CCDC178: variants seen among roughly 807,000 people sequenced by gnomAD.
CCDC178 encodes coiled-coil domain containing 178.
Under a neutral mutation model 117.4 loss-of-function variants are expected in CCDC178, and 126 were observed. The observed-to-expected ratio is 1.07, with a 90% CI of 0.93 to 1.24. The LOEUF (loss-of-function observed/expected upper bound fraction) is 1.24, where lower values mean the gene tolerates loss of function less well. CCDC178 is among the 50% of genes most tolerant of loss of function. The probability of loss-of-function intolerance (pLI) is 0.00; values close to 1 mark genes in which losing one functional copy is unlikely to be tolerated. For missense variants in CCDC178, 1,030 were observed against 986.9 expected, an observed-to-expected ratio of 1.04 and a Z score of -0.59; for synonymous variants, 283 against 313.4, an observed-to-expected ratio of 0.90 and a Z score of 1.02.
At chr18:32,964,852 A>G (rs2054778530) in intron 22 of CCDC178, among the ~76,000 whole-genome samples, 1 of 151,996 alleles carries the variant, frequency 6.6e-6, no homozygotes, top group South Asian at 2.1e-4. Flanking sequence ...CACAAGCATT[A>G]ATGCAAAAAA....
chr18:33,325,045 T>C (rs1473815112), intron 10 of CCDC178, among the ~76,000 whole-genome samples: 2 of 151,700 alleles, frequency 1.3e-5, no homozygotes, highest in Non-Finnish European at 3.0e-5. Flanking sequence ...ATGTATATCT[T>C]TTATTTCATT....
At chr18:33,054,441 G>A (rs532740579) in intron 21 of CCDC178, among the ~76,000 whole-genome samples, 117 of 152,158 alleles carry the variant, frequency 7.7e-4, no homozygotes, top group Non-Finnish European at 1.5e-3. Flanking sequence ...ACCCCAACAG[G>A]CTGCACTGTG....
chr18:33,392,719 G>A (rs1350272303), intron 4 of CCDC178, among the ~76,000 whole-genome samples: 2 of 151,924 alleles, frequency 1.3e-5, no homozygotes, highest in African/African-American at 2.4e-5. Flanking sequence ...TTGGAAAGCC[G>A]GGCATGGTGG....
rs200504518 is a variant in CCDC178, at chr18:33,414,005, A to AT, written c.-22-1896dup. 5.3e-4 allele frequency among the ~76,000 whole-genome samples: 81 copies of AT among 152,326 alleles called. 1 individual carries two copies. In the East Asian group the frequency reaches 0.014, roughly 26 times the overall value. On this transcript the variant is annotated intron_variant, in intron 2 of 22. Coordinates refer to ENST00000383096, the MANE Select transcript of CCDC178 (RefSeq NM_001105528.4). ...TGTGTTGACTCACAGGACACTCAAC[A>AT]TACAAAATGACTATGTAACCAAAAT...
chr18:33,125,706 A>C (rs961986824), intron 20 of CCDC178, among the ~76,000 whole-genome samples: 13 of 152,216 alleles, frequency 8.5e-5, no homozygotes, highest in African/African-American at 3.1e-4. Flanking sequence ...AAAGAGAGCA[A>C]CAGGAACCTG....
chr18:33,366,030 T>C (rs1423151443), intron 6 of CCDC178, among the ~76,000 whole-genome samples: 2 of 152,044 alleles, frequency 1.3e-5, no homozygotes, highest in African/African-American at 2.4e-5. Flanking sequence ...GGCAGATGCG[T>C]TGCTGCTAAC....
intron 20 of CCDC178, among the ~76,000 whole-genome samples, chr18:33,199,694 C>T (rs372159443): frequency 1.3e-5 from 2 of 152,240 alleles, no homozygotes; most frequent in East Asian, 3.9e-4. Context: ...ATCACCCAAC[C>T]AGGGCTGTGT....
In CCDC178 at chr18:33,333,327, T is replaced by C. The variant is rs2062696746; in HGVS notation, c.726A>G (p.Leu242=). 1 of 1,612,608 alleles carries C rather than the reference T, an allele frequency of 6.2e-7. No homozygotes were observed. Among genetic ancestry groups the C allele is most frequent in the Admixed American group, 1.7e-5 (1 of 59,992 alleles). Residue 242 remains leucine (L), a synonymous_variant, in exon 10 of 23, where the codon CTA becomes CTG. Transcript: ENST00000383096. The part of the protein sequence containing the change: ...QWHLEDKANQ[L]QHFEKQKTEL... ...CTGTCTTTTGTTTTTCAAAATGTTG[T>C]AGTTGATTAGCTTTATCTTCAAGAT...
At chr18:33,331,461 G>A (rs1358489093) in intron 10 of CCDC178, among the ~76,000 whole-genome samples, 1 of 151,932 alleles carries the variant, frequency 6.6e-6, no homozygotes, top group African/African-American at 2.4e-5. Flanking sequence ...GTTGCTGGAA[G>A]TTTAGTAAAT....
chr18:33,086,362 CTCTTA>C (rs1479493866), intron 21 of CCDC178, among the ~76,000 whole-genome samples: 1 of 150,400 alleles, frequency 6.6e-6, no homozygotes, highest in Admixed American at 6.7e-5. Flanking sequence ...GCCTCTTATT[CTCTTA>C]TGTTTTATAT....
intron 22 of CCDC178, among the ~76,000 whole-genome samples, chr18:32,969,570 C>G (rs2054882996): frequency 6.6e-6 from 1 of 152,052 alleles, no homozygotes; most frequent in Admixed American, 6.6e-5. Context: ...TTTGTCCTTC[C>G]AAAGCCTTTG....
chr18:33,064,225 G>C (rs529085818), intron 21 of CCDC178, among the ~76,000 whole-genome samples: 70 of 152,240 alleles, frequency 4.6e-4, no homozygotes, highest in African/African-American at 1.6e-3. Flanking sequence ...TGAAGTGCCT[G>C]GAAATGATTT....
At position 33,323,506 on chromosome 18, in the gene CCDC178, GT is replaced by G; in HGVS notation, c.1006del (p.Thr336ProfsTer2). On this transcript the variant is annotated frameshift_variant, in exon 11 of 23. Transcript: ENST00000383096. LOFTEE classifies it high-confidence loss of function. ...IDKDIYQDEK[T>X]IEAYKREIYQ... ...AAATTCTTACTTGTAGGCCTCTATGGTTTTTTCATCCTGGTAAATATCCTTA... is the reference window on the plus strand; with the variant it reads ...AAATTCTTACTTGTAGGCCTCTATGGTTTTTCATCCTGGTAAATATCCTTA... 1 of 1,521,284 alleles carries G rather than the reference GT, an allele frequency of 6.6e-7. No individual in the cohort carries two copies. The highest frequency in any genetic ancestry group is 8.8e-7 in the Non-Finnish European group (1 of 1,137,148). The allele number at this position is 1,521,284 out of a possible 1,614,324, so 94.2% of individuals were successfully genotyped here.
intron 11 of CCDC178, among the ~76,000 whole-genome samples, chr18:33,312,764 G>A (rs2062360207): frequency 6.6e-6 from 1 of 152,176 alleles, no homozygotes; most frequent in Admixed American, 6.5e-5. Flanking sequence ...AATGGCTGTC[G>A]CTACACAGGG....
At chr18:33,062,388 A>G (rs1211031733) in intron 21 of CCDC178, among the ~76,000 whole-genome samples, 2 of 152,196 alleles carry the variant, frequency 1.3e-5, no homozygotes, top group African/African-American at 4.8e-5. Flanking sequence ...TCCACAGATA[A>G]GGACCAAACA....
At chr18:33,086,479 G>C (rs887178937) in intron 21 of CCDC178, among the ~76,000 whole-genome samples, 4 of 150,820 alleles carry the variant, frequency 2.7e-5, no homozygotes, top group Admixed American at 2.6e-4. Flanking sequence ...GAGAGAGAGA[G>C]AGAATAATAT....
intron 18 of CCDC178, among the ~76,000 whole-genome samples, chr18:33,220,420 C>T (rs1251302072): frequency 6.6e-6 from 1 of 151,974 alleles, no homozygotes; most frequent in Non-Finnish European, 1.5e-5. Context: ...TCTCTGACTC[C>T]AAAGCCTTTA....
chr18:33,269,978 AAAAC>A (rs1416783901), intron 12 of CCDC178, among the ~76,000 whole-genome samples: 6 of 151,854 alleles, frequency 4.0e-5, no homozygotes, highest in Non-Finnish European at 8.8e-5. Flanking sequence ...CTAAAGGACT[AAAAC>A]AAAGCATTAA....
chr18:33,035,831 G>A (rs1022847211), intron 21 of CCDC178, among the ~76,000 whole-genome samples: 1 of 151,836 alleles, frequency 6.6e-6, no homozygotes, highest in Non-Finnish European at 1.5e-5. Flanking sequence ...ATTCAAAAGA[G>A]TTTGGTTTGG....
Sources: gnomAD v4.1 joint callset for allele counts (sites outside exome capture counted in the v4.1 genomes callset) on GRCh38, gnomAD v4.1.1 for gene constraint, MANE v1.5 for transcripts, NCBI Gene and HGNC (gene_info 2026-07-23, HGNC 2026-07-21) for gene names.